The following TSNARE1 variants were observed in gnomAD, a reference collection of about 807,000 sequenced individuals.
TSNARE1 encodes t-SNARE domain-containing protein 1.
Under a neutral mutation model 62.0 loss-of-function variants are expected in TSNARE1, and 49 were observed. The ratio of observed to expected loss-of-function variants is 0.79; its 90% CI spans 0.63 to 1.00. The LOEUF (loss-of-function observed/expected upper bound fraction) is 1.00, where lower values mean the gene tolerates loss of function less well. Ranked by LOEUF, TSNARE1 falls within the 50% of genes least tolerant of loss-of-function variation. The pLI is 0.00. For missense variants in TSNARE1, 755 were observed against 700.1 expected, an observed-to-expected ratio of 1.08 and a Z score of -0.88; for synonymous variants, 328 against 294.4, an observed-to-expected ratio of 1.11 and a Z score of -1.17.
At chr8:142,278,893 C>A (rs1422520308) in intron 11 of TSNARE1, 12 of 746,150 alleles carry the variant, frequency 1.6e-5, no homozygotes, top group African/African-American at 1.9e-5. Flanking sequence ...CAAGCTGGGG[C>A]CCAGGCTCCT....
chr8:142,266,779 T>G (rs984835218), intron 12 of TSNARE1, among the ~76,000 whole-genome samples: 2 of 152,180 alleles, frequency 1.3e-5, no homozygotes, highest in Non-Finnish European at 2.9e-5. Context: ...TTTCCTCCAT[T>G]TCACTGATCC....
chr8:142,325,424 T>G (rs1830055909), intron 6 of TSNARE1, among the ~76,000 whole-genome samples: 1 of 151,904 alleles, frequency 6.6e-6, no homozygotes, highest in South Asian at 2.1e-4. Flanking sequence ...GGGGCAAGAC[T>G]AGGGGTGGGG....
chr8:142,223,313 C>CCCATTCACTCACTCGT (rs1816577588), intron 13 of TSNARE1, among the ~76,000 whole-genome samples: 1 of 62,800 alleles, frequency 1.6e-5, no homozygotes, highest in African/African-American at 5.1e-5. Context: ...CACTCATTCA[C>CCCATTCACTCACTCGT]TCACTCATTC....
intron 4 of TSNARE1, among the ~76,000 whole-genome samples, chr8:142,334,922 C>T (rs944746415): frequency 6.6e-6 from 1 of 152,194 alleles, no homozygotes; most frequent in Non-Finnish European, 1.5e-5. Flanking sequence ...ATGTGAAGTA[C>T]AGGAAATGTT....
chr8:142,397,858 C>T (rs1429000433), intron 1 of TSNARE1, among the ~76,000 whole-genome samples: 1 of 152,194 alleles, frequency 6.6e-6, no homozygotes, highest in Non-Finnish European at 1.5e-5. Flanking sequence ...AGTGCCAAGG[C>T]ATGGAGCCTG....
chr8:142,350,894 T>A (rs1296970780), intron 2 of TSNARE1, among the ~76,000 whole-genome samples: 2 of 152,174 alleles, frequency 1.3e-5, no homozygotes, highest in African/African-American at 4.8e-5. Context: ...ATAGGTCAGC[T>A]GTAACACGGG....
At chr8:142,275,852 TGG>T (rs199822283) in intron 11 of TSNARE1, 1 of 699,862 alleles carries the variant, frequency 1.4e-6, no homozygotes, top group African/African-American at 1.9e-5. Context: ...AGGCACAGCC[TGG>T]CACGACTGGC....
At chr8:142,329,871 G>A (rs547314924) in intron 6 of TSNARE1, among the ~76,000 whole-genome samples, 1 of 152,372 alleles carries the variant, frequency 6.6e-6, no homozygotes, top group East Asian at 1.9e-4. Context: ...GAACTGCCCT[G>A]AACATCTGCA....
chr8:142,350,462 A>C (rs1373046224), intron 2 of TSNARE1, among the ~76,000 whole-genome samples: 1 of 152,266 alleles, frequency 6.6e-6, no homozygotes, highest in Non-Finnish European at 1.5e-5. Context: ...TGGTAGTCAG[A>C]AAATCTTTCC....
intron 1 of TSNARE1, among the ~76,000 whole-genome samples, chr8:142,378,873 C>T (rs983876274): frequency 3.9e-5 from 6 of 152,268 alleles, no homozygotes; most frequent in East Asian, 1.9e-4. Flanking sequence ...CTTGGTTCCA[C>T]GGCAGCCTCT....
At chr8:142,213,537 T>C (rs1319300652) in intron 13 of TSNARE1, among the ~76,000 whole-genome samples, 1 of 152,106 alleles carries the variant, frequency 6.6e-6, no homozygotes, top group African/African-American at 2.4e-5. Flanking sequence ...CAAACGCCAG[T>C]TGCCTGGCCG....
At chr8:142,317,883 T>TG (rs1489022785) in intron 7 of TSNARE1, among the ~76,000 whole-genome samples, 5 of 152,082 alleles carry the variant, frequency 3.3e-5, no homozygotes, top group Non-Finnish European at 7.4e-5. Flanking sequence ...ACTTGAACCC[T>TG]GGGGGCAGAA....
chr8:142,381,817 G>A (rs1836773514), intron 1 of TSNARE1, among the ~76,000 whole-genome samples: 1 of 152,198 alleles, frequency 6.6e-6, no homozygotes, highest in Admixed American at 6.5e-5. Flanking sequence ...CCCTAATGGA[G>A]CAGAAGACAA....
At chr8:142,323,272 C>T (rs1829754331) in intron 6 of TSNARE1, among the ~76,000 whole-genome samples, 1 of 152,086 alleles carries the variant, frequency 6.6e-6, no homozygotes, top group African/African-American at 2.4e-5. Context: ...AAAATGTATA[C>T]TGAGCTACAA....
At chr8:142,225,101 T>A (rs1413407365) in intron 13 of TSNARE1, among the ~76,000 whole-genome samples, 1 of 152,068 alleles carries the variant, frequency 6.6e-6, no homozygotes, top group Non-Finnish European at 1.5e-5. Context: ...AGGCCCACTG[T>A]GCCCCTCCAA....
intron 1 of TSNARE1, among the ~76,000 whole-genome samples, chr8:142,374,330 A>T (rs1214930257): frequency 6.6e-6 from 1 of 151,908 alleles, no homozygotes; most frequent in African/African-American, 2.4e-5. Flanking sequence ...AAAGAAAAAA[A>T]AAAAGACTTC....
chr8:142,378,410 G>A (rs1836497263), intron 1 of TSNARE1, among the ~76,000 whole-genome samples: 1 of 152,232 alleles, frequency 6.6e-6, no homozygotes, highest in Non-Finnish European at 1.5e-5. Context: ...CACCTTCGTG[G>A]CACGAGCAAA....
intron 1 of TSNARE1, among the ~76,000 whole-genome samples, chr8:142,399,887 C>T (rs1000414236): frequency 6.6e-6 from 1 of 152,132 alleles, no homozygotes; most frequent in Non-Finnish European, 1.5e-5. Flanking sequence ...CAGAAACGCC[C>T]GTGTGCATTA....
chr8:142,386,573 A>C (rs1837125515), intron 1 of TSNARE1, among the ~76,000 whole-genome samples: 1 of 152,216 alleles, frequency 6.6e-6, no homozygotes, highest in Admixed American at 6.5e-5. Flanking sequence ...CAATTGAATT[A>C]CAAGGCAAAA....
Sources: allele counts gnomAD v4.1 joint callset (sites outside exome capture counted in the v4.1 genomes callset), GRCh38; gene constraint gnomAD v4.1.1; transcripts MANE v1.5; gene names NCBI Gene and HGNC (gene_info 2026-07-23, HGNC 2026-07-21).